The following KREMEN1 variants were observed in gnomAD, a reference collection of about 807,000 sequenced individuals.
The protein encoded by KREMEN1 is kringle containing transmembrane protein 1.
Under a neutral mutation model 46.5 loss-of-function variants are expected in KREMEN1, and 30 were observed. The observed-to-expected ratio is 0.65, with a 90% CI of 0.48 to 0.88. The LOEUF (loss-of-function observed/expected upper bound fraction) is 0.88. Ranked by LOEUF, KREMEN1 falls within the 40% of genes least tolerant of loss-of-function variation. KREMEN1 has a pLI of 0.00. For missense variants in KREMEN1, 533 were observed against 596.9 expected (o/e 0.89, Z 1.11); for synonymous variants, 214 against 230.6 (o/e 0.93, Z 0.65).
rs964999608 is a variant in KREMEN1, at chr22:29,143,806, G to T, written c.*1694G>T. 1.4e-5 allele frequency: 14 copies of T among 985,350 alleles called. No homozygotes were observed. In the Admixed American group the frequency reaches 2.5e-4, roughly 17 times the overall value. 61.0% of individuals were successfully genotyped at this position (985,350 alleles called of 1,614,324 possible). ...TGCCCCTCCTGTGGGGACCAAGTGG[G>T]GTTAGGAATGGCTCAGTGGGGAAGG... is the stretch of plus-strand genomic sequence containing the variant. On this transcript the variant is annotated 3_prime_UTR_variant, in exon 9 of 9. Coordinates refer to ENST00000400335, the MANE Select transcript of KREMEN1 (RefSeq NM_001039570.3).
chr22:29,114,634 C>T (rs1374846438), intron 3 of KREMEN1, among the ~76,000 whole-genome samples: 5 of 152,142 alleles, frequency 3.3e-5, no homozygotes, highest in Non-Finnish European at 7.3e-5. Context: ...TGACCTTAGA[C>T]TTCTTAGCCT....
intron 9 of KREMEN1, among the ~76,000 whole-genome samples, chr22:29,164,778 A>G (rs1400346001): frequency 2.6e-5 from 4 of 151,022 alleles, no homozygotes; most frequent in East Asian, 2.0e-4. Context: ...ACCCAAAACA[A>G]GGAACTATGA....
rs1601808330 is a variant in KREMEN1, at chr22:29,137,825, C to G, written c.964+151C>G. Reference sequence around the variant, plus strand: ...TGCAGATCACCCCGAGGCTGTGGCTCCTTCCCTACCCCCATTTCATAACTC... The same window carrying G: ...TGCAGATCACCCCGAGGCTGTGGCTGCTTCCCTACCCCCATTTCATAACTC... On this transcript the variant is annotated intron_variant, in intron 6 of 8. Transcript: ENST00000400335. 2.3e-5 allele frequency: 12 copies of G among 515,078 alleles called. No individual in the cohort carries two copies. In the East Asian group the frequency reaches 3.4e-4, roughly 15 times the overall value. The allele number at this position is 515,078 out of a possible 1,614,324, so 31.9% of individuals were successfully genotyped here.
intron 5 of KREMEN1, among the ~76,000 whole-genome samples, chr22:29,128,808 G>T (rs919667074): frequency 6.6e-6 from 1 of 152,206 alleles, no homozygotes; most frequent in Non-Finnish European, 1.5e-5. Context: ...GCTAGTAAGT[G>T]CCAGAGCCAG....
At chr22:29,140,692 C>CGATGCCGTGCATACTTCCT (rs1162387843) in intron 8 of KREMEN1, among the ~76,000 whole-genome samples, 1 of 152,176 alleles carries the variant, frequency 6.6e-6, no homozygotes, top group African/African-American at 2.4e-5. Context: ...ATAGCTAGGA[C>CGATGCCGTGCATACTTCCT]GATGCCGTGC....
At chr22:29,126,141 C>T (rs1239087906) in intron 5 of KREMEN1, among the ~76,000 whole-genome samples, 1 of 151,268 alleles carries the variant, frequency 6.6e-6, no homozygotes, top group African/African-American at 2.4e-5. Context: ...CTCGAGATTA[C>T]CAAGAAATAT....
rs187104667 is a variant in KREMEN1 at position 29,123,981 on chromosome 22, A to G, written c.478-1282A>G. Among the ~76,000 whole-genome samples the G allele has an allele frequency of 2.9e-3, 448 of 152,304 alleles. 1 individual carries two copies. The highest frequency in any genetic ancestry group is 0.01 in the African/African-American group (423 of 41,566). Reference sequence around the variant, plus strand: ...GGACTTTCATATATTGTTGGTGCAGATCTAGAATGGTAGTCATTCTGGAAA... The same window carrying G: ...GGACTTTCATATATTGTTGGTGCAGGTCTAGAATGGTAGTCATTCTGGAAA... On this transcript the variant is annotated intron_variant, in intron 4 of 8. Transcript: ENST00000400335.
chr22:29,108,871 C>T (rs1189409241), intron 3 of KREMEN1, among the ~76,000 whole-genome samples: 2 of 152,104 alleles, frequency 1.3e-5, no homozygotes, highest in African/African-American at 4.8e-5. Flanking sequence ...ATCACTGCAG[C>T]CTTGACCTCC....
chr22:29,109,270 A>G (rs2038106978), intron 3 of KREMEN1, among the ~76,000 whole-genome samples: 1 of 152,268 alleles, frequency 6.6e-6, no homozygotes, highest in Non-Finnish European at 1.5e-5. Flanking sequence ...GGACTTAAAA[A>G]GGAAAACTCA....
intron 5 of KREMEN1, among the ~76,000 whole-genome samples, chr22:29,131,554 ATATATATGTGTGTGTGTGTG>A (rs1238397536): frequency 1.4e-5 from 1 of 73,238 alleles, no homozygotes; most frequent in African/African-American, 6.8e-5. Flanking sequence ...ATATATATAT[ATATATATGTGTGTGTGTGTG>A]TGTGTGTGTG....
downstream of KREMEN1, among the ~76,000 whole-genome samples, chr22:29,149,145 G>A (rs933893782): frequency 2.7e-5 from 4 of 150,190 alleles, no homozygotes; most frequent in African/African-American, 4.9e-5. Context: ...CCATGCTGCC[G>A]CAGATGTTGC....
At position 29,086,760 on chromosome 22, in the gene KREMEN1, C is replaced by A. The variant is rs373923213; in HGVS notation, c.98-7498C>A. Among the ~76,000 whole-genome samples the A allele has an allele frequency of 1.6e-3, 238 of 152,170 alleles. 3 individuals carry two copies. The highest frequency in any genetic ancestry group is 5.8e-3 in the Admixed American group (89 of 15,282). ...ACGGCACTGTCATGTTGCCCTCTCT[C>A]TATATATATCTTTTTTGAGATAGGG... is the stretch of plus-strand genomic sequence containing the variant. On this transcript the variant is annotated intron_variant, in intron 1 of 8. Transcript: ENST00000400335.
chr22:29,095,078 G>A (rs1357168415), intron 2 of KREMEN1, among the ~76,000 whole-genome samples: 1 of 152,118 alleles, frequency 6.6e-6, no homozygotes, highest in Non-Finnish European at 1.5e-5. Flanking sequence ...CTACACTACC[G>A]AGAATGTCGT....
At chr22:29,079,233 C>A (rs1174928848) in intron 1 of KREMEN1, among the ~76,000 whole-genome samples, 2 of 152,212 alleles carry the variant, frequency 1.3e-5, no homozygotes, top group African/African-American at 4.8e-5. Context: ...CTTTTAAATT[C>A]TCTTTCTAGG....
chr22:29,081,928 T>A (rs939724560), intron 1 of KREMEN1, among the ~76,000 whole-genome samples: 1 of 152,210 alleles, frequency 6.6e-6, no homozygotes, highest in Non-Finnish European at 1.5e-5. Context: ...ATATTATTTG[T>A]CTATCCCATA....
intron 1 of KREMEN1, among the ~76,000 whole-genome samples, chr22:29,087,595 A>G (rs134641): frequency 0.78 from 117,421 of 151,418 alleles, 46,395 homozygotes; most frequent in African/African-American, 0.94. Flanking sequence ...ACGGAATTTT[A>G]CTCTTTGTTG....
intron 3 of KREMEN1, among the ~76,000 whole-genome samples, chr22:29,104,873 G>A (rs1032188388): frequency 1.3e-5 from 2 of 152,146 alleles, no homozygotes; most frequent in East Asian, 3.8e-4. Context: ...CAGCCTGGGC[G>A]ACAGAGCAAG....
At chr22:29,141,245 G>GTC (rs1176650706) in intron 8 of KREMEN1, among the ~76,000 whole-genome samples, 1 of 149,582 alleles carries the variant, frequency 6.7e-6, no homozygotes, top group Non-Finnish European at 1.5e-5. Flanking sequence ...GTGTGTGTGT[G>GTC]TGTGTCTGCA....
Position 29,167,321 on chromosome 22 carries a change from C to T in KREMEN1, c.*215C>T, listed in dbSNP as rs554155232. On this transcript the variant is annotated 3_prime_UTR_variant, in exon 10 of 10. Transcript: ENST00000327813. ...CTGCAGTGAGCTATGATCACACCAC[C>T]ACACTCCAGCCTGAGCAGCAGAGCG... The T allele has an allele frequency of 1.4e-5, 8 of 575,824 alleles. No individual in the cohort carries two copies. In the Middle Eastern group the frequency reaches 1.9e-3, roughly 134 times the overall value. 35.7% of individuals were successfully genotyped at this position (575,824 alleles called of 1,614,324 possible).
Sources: allele counts gnomAD v4.1 joint callset (sites outside exome capture counted in the v4.1 genomes callset), GRCh38; gene constraint gnomAD v4.1.1; transcripts MANE v1.5; gene names NCBI Gene and HGNC (gene_info 2026-07-23, HGNC 2026-07-21).